Variants in SMAD7 observed in about 807,000 individuals in gnomAD.
SMAD7 encodes the protein SMAD family member 7.
In SMAD7, 8 loss-of-function variants were observed where a neutral mutation model predicts 38.7. The ratio of observed to expected loss-of-function variants is 0.21; its 90% confidence interval spans 0.12 to 0.37. The LOEUF is 0.37. Among genes scored for constraint, SMAD7 ranks in the 10% least tolerant of loss-of-function variants. SMAD7 has a pLI of 1.00. For synonymous variants in SMAD7, 327 were observed against 265.1 expected, an observed-to-expected ratio of 1.23 and a Z score of -2.27; for missense variants, 477 against 577.9, an observed-to-expected ratio of 0.83 and a Z score of 1.79.
intron 2 of SMAD7, among the ~76,000 whole-genome samples, chr18:48,943,492 T>G (rs2070164527): frequency 6.6e-6 from 1 of 152,162 alleles, no homozygotes; most frequent in Admixed American, 6.5e-5. Flanking sequence ...AAACCTAATG[T>G]CCATGAACCA....
chr18:48,949,257 T>C (rs2070232559), intron 1 of SMAD7: 1 of 984,510 alleles, frequency 1.0e-6, no homozygotes, highest in Non-Finnish European at 1.2e-6. Context: ...CAACTCTCTT[T>C]GCCCCAAAAC....
chr18:48,924,029 A>G (rs1391571084), intron 3 of SMAD7, among the ~76,000 whole-genome samples: 1 of 152,208 alleles, frequency 6.6e-6, no homozygotes, highest in Non-Finnish European at 1.5e-5. Context: ...CGCCCAGGGA[A>G]GGAAGGACAC....
intron 2 of SMAD7, among the ~76,000 whole-genome samples, chr18:48,946,540 C>A (rs2070197923): frequency 6.6e-6 from 1 of 152,208 alleles, no homozygotes; most frequent in South Asian, 2.1e-4. Flanking sequence ...ACAGCAGCGC[C>A]TTTTCTCATT....
intron 2 of SMAD7, among the ~76,000 whole-genome samples, chr18:48,947,433 G>T (rs1488536056): frequency 1.3e-5 from 2 of 152,224 alleles, no homozygotes; most frequent in Non-Finnish European, 2.9e-5. Flanking sequence ...GCTAAATGGT[G>T]CCCAACCCTT....
At chr18:48,944,938 C>A (rs1294935834) in intron 2 of SMAD7, among the ~76,000 whole-genome samples, 2 of 151,862 alleles carry the variant, frequency 1.3e-5, no homozygotes, top group South Asian at 2.1e-4. Flanking sequence ...GCAGCTCCAA[C>A]AGAGTCTTTG....
At chr18:48,936,381 C>A (rs1026759392) in intron 3 of SMAD7, among the ~76,000 whole-genome samples, 3 of 152,188 alleles carry the variant, frequency 2.0e-5, no homozygotes, top group Non-Finnish European at 2.9e-5. Flanking sequence ...TTAAAATGTG[C>A]CACCAATGGC....
rs1003473726 is a variant in SMAD7 at position 48,920,659 on chromosome 18, C to A, written c.*713G>T. The A allele has an allele frequency of 6.6e-6, 1 of 152,592 alleles. No homozygotes were observed. The highest frequency in any genetic ancestry group is 1.5e-5 in the Non-Finnish European group (1 of 68,280). The allele number at this position is 152,592 out of a possible 1,614,324, so 9.5% of individuals were successfully genotyped here. Reference sequence around the variant, plus strand: ...AGATGGCCAAAAAAGAAAGACGCTACAATGGCAGGGGCTGGCAGGAAGGGA... The same window carrying A: ...AGATGGCCAAAAAAGAAAGACGCTAAAATGGCAGGGGCTGGCAGGAAGGGA... On this transcript the variant is annotated 3_prime_UTR_variant, in exon 4 of 4. Transcript: ENST00000262158.
At chr18:48,932,935 G>A (rs2143782932) in intron 3 of SMAD7, among the ~76,000 whole-genome samples, 1 of 152,254 alleles carries the variant, frequency 6.6e-6, no homozygotes, top group Admixed American at 6.5e-5. Context: ...CTTTCCAGAT[G>A]TTTCCCCACC....
rs759769003 is a variant in SMAD7 at position 48,949,928 on chromosome 18, G to C, written c.497C>G (p.Pro166Arg). ...GACTTCCGAGGAATGCCTGAGATCC[G>C]GCCACCTGAACACTTTGCACAGCAG... is the stretch of plus-strand genomic sequence containing the variant. Reference protein sequence around the residue: ...PLLLCKVFRWPDLRHSSEVKR... With the variant: ...PLLLCKVFRWRDLRHSSEVKR... The change falls in exon 1 of 4, where the codon CCG becomes CGG. Residue 166 changes from proline to arginine, a missense_variant. Physicochemically the swap from Pro to Arg is moderately radical, Grantham distance 103. Around this residue, in one of 2 missense-constraint regions of SMAD7, gnomAD observed 376 missense variants for 379.4 expected, o/e 0.99. Transcript: ENST00000262158. 6 of 1,613,604 alleles carry C rather than the reference G, an allele frequency of 3.7e-6. No homozygotes were observed. The highest frequency in any genetic ancestry group is 1.3e-5 in the African/African-American group (1 of 75,040).
At chr18:48,936,606 G>A (rs2070069936) in intron 3 of SMAD7, among the ~76,000 whole-genome samples, 1 of 152,166 alleles carries the variant, frequency 6.6e-6, no homozygotes, top group South Asian at 2.1e-4. Flanking sequence ...GAATCCCGAG[G>A]GATTTTAGTG....
In SMAD7 at chr18:48,929,718, C is replaced by A. The variant is rs79255837; in HGVS notation, c.743-7808G>T. Among the ~76,000 whole-genome samples, 293 of 152,100 alleles carry A rather than the reference C, an allele frequency of 1.9e-3. 1 individual carries two copies. Among genetic ancestry groups the A allele is most frequent in the Non-Finnish European group, 3.1e-3 (208 of 67,996 alleles). On this transcript the variant is annotated intron_variant, in intron 3 of 3. Coordinates refer to ENST00000262158, the MANE Select transcript of SMAD7 (RefSeq NM_005904.4). ...CCTGGTTTTGCAGGTGGTGGGGGGGCTCTGTGTGTGCAAGAAACCAAGCTA... is the reference window on the plus strand; with the variant it reads ...CCTGGTTTTGCAGGTGGTGGGGGGGATCTGTGTGTGCAAGAAACCAAGCTA...
At chr18:48,932,743 CA>C (rs1202256797) in intron 3 of SMAD7, among the ~76,000 whole-genome samples, 1 of 152,232 alleles carries the variant, frequency 6.6e-6, no homozygotes, top group Non-Finnish European at 1.5e-5. Context: ...GCCTCACACA[CA>C]GGGCTGACAC....
At chr18:48,928,528 C>T (rs1250498768) in intron 3 of SMAD7, among the ~76,000 whole-genome samples, 1 of 151,982 alleles carries the variant, frequency 6.6e-6, no homozygotes, top group Non-Finnish European at 1.5e-5. Flanking sequence ...GACGGTGAGC[C>T]CCCAAGAGAG....
Position 48,935,361 on chromosome 18 carries a change from G to A in SMAD7, c.742+7120C>T, listed in dbSNP as rs530634802. 2.6e-5 allele frequency among the ~76,000 whole-genome samples: 4 copies of A among 152,320 alleles called. No individual in the cohort carries two copies. The South Asian group carries it at 8.3e-4, about 32-fold the overall frequency. On this transcript the variant is annotated intron_variant, in intron 3 of 3. Transcript: ENST00000262158. ...GACAGTAGGCAGGCAGCCAGGCTTG[G>A]GGCTAGCCATTCAATACCGAGCGAG...
intron 2 of SMAD7, among the ~76,000 whole-genome samples, chr18:48,943,712 T>C (rs1003224984): frequency 6.6e-6 from 1 of 152,126 alleles, no homozygotes; most frequent in Non-Finnish European, 1.5e-5. Flanking sequence ...GGGTTTCCAG[T>C]TGGAACCACT....
At chr18:48,949,235 C>G in intron 1 of SMAD7, 1 of 972,158 alleles carries the variant, frequency 1.0e-6, no homozygotes, top group Non-Finnish European at 1.2e-6. Context: ...ATACCCAGTT[C>G]GGCCTTCCAT....
intron 3 of SMAD7, among the ~76,000 whole-genome samples, chr18:48,932,124 G>C: frequency 6.6e-6 from 1 of 152,178 alleles, no homozygotes; most frequent in East Asian, 1.9e-4. Flanking sequence ...AGGGGGTGGG[G>C]CAGGGCTGGC....
intron 3 of SMAD7, among the ~76,000 whole-genome samples, chr18:48,941,699 A>C (rs1373731071): frequency 1.3e-5 from 2 of 152,194 alleles, no homozygotes; most frequent in East Asian, 3.8e-4. Context: ...AACAGGTAGA[A>C]ATAGGATTTC....
chr18:48,921,036 A>G lies in SMAD7; in HGVS notation c.*336T>C. On this transcript the variant is annotated 3_prime_UTR_variant, in exon 4 of 4. Coordinates refer to ENST00000262158, the MANE Select transcript of SMAD7 (RefSeq NM_005904.4). This position sits in a 1 kb window ranked among gnomAD's most constrained non-coding sequence, Gnocchi z 6.4. ...CAGCCGCACACTCACACTCACACACACTCCTGACAAGTGAAATGATGACCG... is the reference window on the plus strand; with the variant it reads ...CAGCCGCACACTCACACTCACACACGCTCCTGACAAGTGAAATGATGACCG... 3.2e-6 allele frequency: 1 copy of G among 317,036 alleles called. No individual in the cohort carries two copies. Among genetic ancestry groups the G allele is most frequent in the Non-Finnish European group, 5.9e-6 (1 of 169,436 alleles). The allele number at this position is 317,036 out of a possible 1,614,324, so 19.6% of individuals were successfully genotyped here.
Sources: gnomAD v4.1 joint callset for allele counts (sites outside exome capture counted in the v4.1 genomes callset) on GRCh38, gnomAD v4.1.1 for gene constraint, gnomAD v4.1.1 regional missense constraint, Gnocchi (gnomAD v3.1) non-coding constraint, MANE v1.5 for transcripts, NCBI Gene and HGNC (gene_info 2026-07-23, HGNC 2026-07-21) for gene names.